The following DLG2 variants were observed in gnomAD, a reference collection of about 807,000 sequenced individuals.
The protein encoded by DLG2 is discs large MAGUK scaffold protein 2.
DLG2 carries 45 observed loss-of-function variants against 132.5 expected under a neutral mutation model. That is an observed-to-expected ratio of 0.34 (90% CI 0.27 to 0.44). The LOEUF is 0.44. Among genes scored for constraint, DLG2 ranks in the 20% least tolerant of loss-of-function variants. DLG2 has a pLI of 1.00. For missense variants in DLG2, 1,045 were observed against 1,196.9 expected (o/e 0.87, Z 1.87); for synonymous variants, 424 against 419.6 (o/e 1.01, Z -0.13).
intron 6 of DLG2, among the ~76,000 whole-genome samples, chr11:84,747,025 C>T (rs1053704656): frequency 1.3e-5 from 2 of 152,126 alleles, no homozygotes; most frequent in African/African-American, 4.8e-5. Context: ...CAGTCCAGAA[C>T]CAAACACTGG....
chr11:84,453,126 A>T (rs1049409771), intron 7 of DLG2, among the ~76,000 whole-genome samples: 1 of 151,612 alleles, frequency 6.6e-6, no homozygotes, highest in African/African-American at 2.4e-5. Context: ...TAACTTGGAG[A>T]TATCTTTTAG....
At chr11:85,370,028 G>T (rs552413712) in intron 3 of DLG2, among the ~76,000 whole-genome samples, 1 of 152,318 alleles carries the variant, frequency 6.6e-6, no homozygotes, top group African/African-American at 2.4e-5. Flanking sequence ...TGCAAGGTTT[G>T]CCAAGTGTTT....
chr11:84,365,208 C>T (rs1396073771), intron 7 of DLG2, among the ~76,000 whole-genome samples: 5 of 152,088 alleles, frequency 3.3e-5, no homozygotes, highest in Non-Finnish European at 7.3e-5. Context: ...TTGGTCTATT[C>T]AGAGATTCAA....
rs1476878110 is a variant in DLG2 at position 83,765,866 on chromosome 11, C to T, written c.1825+20824G>A. Among the ~76,000 whole-genome samples, 4 of 152,046 alleles carry T rather than the reference C, an allele frequency of 2.6e-5. No individual in the cohort carries two copies. The East Asian group carries it at 7.7e-4, about 29-fold the overall frequency. ...ATTAGAATTGCTACCCAAATATACTCAATAGTGATAGTGTATGTTTGTCTG... is the reference window on the plus strand; with the variant it reads ...ATTAGAATTGCTACCCAAATATACTTAATAGTGATAGTGTATGTTTGTCTG... On this transcript the variant is annotated intron_variant, in intron 18 of 27. Coordinates refer to ENST00000376104, the MANE Select transcript of DLG2 (RefSeq NM_001142699.3).
intron 3 of DLG2, among the ~76,000 whole-genome samples, chr11:85,387,184 T>C (rs1485439506): frequency 6.6e-6 from 1 of 152,080 alleles, no homozygotes; most frequent in Non-Finnish European, 1.5e-5. Flanking sequence ...CACCAGAATA[T>C]CCTTTCTTAA....
intron 3 of DLG2, among the ~76,000 whole-genome samples, chr11:85,422,570 C>T (rs75527125): frequency 0.11 from 16,339 of 150,890 alleles, 1,063 homozygotes; most frequent in African/African-American, 0.17. Flanking sequence ...GTCGGGGTTT[C>T]TTTGTTTCTT....
At chr11:84,251,476 A>G (rs2097370906) in intron 7 of DLG2, among the ~76,000 whole-genome samples, 185 bp from the exon 8 acceptor site, 2 of 152,096 alleles carry the variant, frequency 1.3e-5, no homozygotes, top group Non-Finnish European at 2.9e-5. Context: ...CAACTCAAAT[A>G]TTTGTTACAT....
chr11:83,703,003 G>A (rs371577840), intron 18 of DLG2, among the ~76,000 whole-genome samples: 24 of 152,300 alleles, frequency 1.6e-4, no homozygotes, highest in African/African-American at 5.3e-4. Context: ...GTCCCCAGGG[G>A]GGAAAATATA....
chr11:85,113,463 A>T (rs1206090353), intron 5 of DLG2, among the ~76,000 whole-genome samples: 2 of 152,020 alleles, frequency 1.3e-5, no homozygotes, highest in Non-Finnish European at 2.9e-5. Flanking sequence ...TTCTATTATT[A>T]CCTGATTTCT....
Position 83,681,376 on chromosome 11 carries a change from A to C in DLG2, c.1826-48051T>G, listed in dbSNP as rs569117149. 6.0e-4 allele frequency among the ~76,000 whole-genome samples: 92 copies of C among 152,282 alleles called. 2 individuals carry two copies. Among genetic ancestry groups the C allele is most frequent in the African/African-American group, 2.0e-3 (85 of 41,560 alleles). ...CAAATACCCGGAGCCCACCCAAATG[A>C]GACCAAAATGCAGCTTCAGGTAATT... On this transcript the variant is annotated intron_variant, in intron 18 of 27. Coordinates refer to ENST00000376104, the MANE Select transcript of DLG2 (RefSeq NM_001142699.3).
intron 19 of DLG2, among the ~76,000 whole-genome samples, chr11:83,606,315 TAATG>T (rs1221137232): frequency 2.0e-5 from 3 of 152,110 alleles, no homozygotes; most frequent in East Asian, 3.9e-4. Context: ...AAACACAACA[TAATG>T]AACAAAAACA....
At chr11:85,551,830 C>T (rs562474716) in intron 3 of DLG2, among the ~76,000 whole-genome samples, 5 of 151,834 alleles carry the variant, frequency 3.3e-5, no homozygotes, top group African/African-American at 9.7e-5. Context: ...AAAATATAGT[C>T]CACAAATACT....
chr11:84,502,214 CCTTCCTTCCTTCCTTCCTTCCT>C lies in DLG2; in HGVS notation c.519+32334_519+32355del, dbSNP rs2099212225. Among the ~76,000 whole-genome samples the C allele has an allele frequency of 6.6e-3, 77 of 11,644 alleles. 18 individuals carry two copies. Among genetic ancestry groups the C allele is most frequent in the Non-Finnish European group, 7.6e-3 (55 of 7,200 alleles). 7.6% of individuals were successfully genotyped at this position (11,644 alleles called of 152,430 possible). On this transcript the variant is annotated intron_variant, in intron 7 of 27. Transcript: ENST00000376104. ...TCTCTCTCTCTCTCCTTCCTTCCTT[CCTTCCTTCCTTCCTTCCTTCCT>C]TCCTTCCTTCCTTCCTTCCTTCCTT...
rs373652945 is a variant in DLG2, at chr11:85,422,412, G to C, written c.41-137047C>G. On this transcript the variant is annotated intron_variant, in intron 3 of 27. Coordinates refer to ENST00000376104, the MANE Select transcript of DLG2 (RefSeq NM_001142699.3). The stretch of plus-strand genomic sequence containing the variant: ...TTTTCCCTTTGTCTTTGTTGGGTTG[G>C]GTTAATTTGAAGACCTTGTCTTCAA... Among the ~76,000 whole-genome samples, 6 of 152,022 alleles carry C rather than the reference G, an allele frequency of 3.9e-5. No individual in the cohort carries two copies. The South Asian group carries it at 6.2e-4, about 16-fold the overall frequency.
In DLG2 at chr11:85,083,009, G is replaced by C. The variant is rs1168979651; in HGVS notation, c.357+28652C>G. On this transcript the variant is annotated intron_variant, in intron 6 of 27. Coordinates refer to ENST00000376104, the MANE Select transcript of DLG2 (RefSeq NM_001142699.3). ...AAACCTCAATTTAGCCACTTACCAA[G>C]GAATGGGGCCCAGACTCAAGACCAA... Among the ~76,000 whole-genome samples, 5 of 151,994 alleles carry C rather than the reference G, an allele frequency of 3.3e-5. No homozygotes were observed. In the East Asian group the frequency reaches 7.7e-4, roughly 24 times the overall value.
rs2096602224 is a variant in DLG2 at position 84,062,199 on chromosome 11, T to C, written c.750-2715A>G. ...TAAATCAGATGTTCATTCCTGAATA[T>C]GTGGATCAAGTAGGCAGCTTTAGGA... On this transcript the variant is annotated intron_variant, in intron 10 of 27. Transcript: ENST00000376104. Among the ~76,000 whole-genome samples the C allele has an allele frequency of 2.0e-5, 3 of 152,212 alleles. No homozygotes were observed. In the South Asian group the frequency reaches 6.2e-4, roughly 32 times the overall value.
At chr11:85,522,590 G>A (rs557075720) in intron 3 of DLG2, among the ~76,000 whole-genome samples, 9 of 152,306 alleles carry the variant, frequency 5.9e-5, no homozygotes, top group African/African-American at 1.9e-4. Context: ...GCTAGGGCAG[G>A]AGGCTGTACC....
At chr11:85,394,730 C>T (rs1397392983) in intron 3 of DLG2, among the ~76,000 whole-genome samples, 1 of 152,132 alleles carries the variant, frequency 6.6e-6, no homozygotes, top group Admixed American at 6.6e-5. Context: ...TAGGGTGAGA[C>T]AGATATTATA....
At chr11:85,154,135 G>GAAAA (rs34094958) in intron 5 of DLG2, among the ~76,000 whole-genome samples, 8 of 57,644 alleles carry the variant, frequency 1.4e-4, no homozygotes, top group East Asian at 6.5e-4. Flanking sequence ...TTCTTTTGGA[G>GAAAA]AAAAAAAAAA....
Sources: gnomAD v4.1 joint callset for allele counts (sites outside exome capture counted in the v4.1 genomes callset) on GRCh38, gnomAD v4.1.1 for gene constraint, MANE v1.5 for transcripts, NCBI Gene and HGNC (gene_info 2026-07-23, HGNC 2026-07-21) for gene names.